Variants in TCF12 observed in about 807,000 individuals in gnomAD.
The protein encoded by TCF12 is transcription factor 12, also known as DNA-binding protein HTF4.
TCF12 carries 45 observed loss-of-function variants against 86.0 expected under a neutral mutation model. That is an observed-to-expected ratio of 0.52 (90% CI 0.41 to 0.67). TCF12 has a LOEUF of 0.67. TCF12 is among the 30% of genes least tolerant of loss of function. The pLI is 0.00. For synonymous variants in TCF12, 330 were observed against 299.6 expected (o/e 1.10, Z -1.05); for missense variants, 881 against 859.9 (o/e 1.02, Z -0.31).
intron 3 of TCF12, among the ~76,000 whole-genome samples, chr15:57,036,808 C>T (rs1467176972): frequency 6.6e-6 from 1 of 151,882 alleles, no homozygotes; most frequent in East Asian, 1.9e-4. Context: ...GTCCTGTTTT[C>T]CCTTTTTAAA....
intron 3 of TCF12, among the ~76,000 whole-genome samples, chr15:57,059,333 C>G (rs2068272629): frequency 6.6e-6 from 1 of 152,152 alleles, no homozygotes; most frequent in African/African-American, 2.4e-5. Flanking sequence ...TTATGATACC[C>G]TAGCAGTATG....
intron 6 of TCF12, among the ~76,000 whole-genome samples, chr15:57,180,425 C>T (rs1191005969): frequency 3.3e-5 from 5 of 151,966 alleles, no homozygotes; most frequent in African/African-American, 1.2e-4. Context: ...TTTCTTGATC[C>T]CTCAGTGACA....
At chr15:57,275,872 T>C (rs2061375319) in intron 19 of TCF12, among the ~76,000 whole-genome samples, 1 of 152,208 alleles carries the variant, frequency 6.6e-6, no homozygotes, top group African/African-American at 2.4e-5. Context: ...GAAGAGTGGC[T>C]TCTCTTCTAA....
At position 57,288,826 on chromosome 15, in the gene TCF12, A is replaced by G. The variant is rs2062014398; in HGVS notation, c.*2681A>G. 6.6e-6 allele frequency: 1 copy of G among 152,244 alleles called. No homozygotes were observed. The highest frequency in any genetic ancestry group is 6.5e-5 in the Admixed American group (1 of 15,286). 9.4% of individuals were successfully genotyped at this position (152,244 alleles called of 1,614,324 possible). A position where few individuals can be genotyped will look rare whatever the true frequency, so the allele number is the denominator to read the frequency against. ...TACTCATTTGTAGATACAGAGAAAA[A>G]TGAAGAAGATGGAAAAAGACTCAAA... is the stretch of plus-strand genomic sequence containing the variant. On this transcript the variant is annotated 3_prime_UTR_variant, in exon 21 of 21. Transcript: ENST00000333725.
At chr15:57,066,634 C>T (rs1288893639) in intron 4 of TCF12, among the ~76,000 whole-genome samples, 1 of 152,042 alleles carries the variant, frequency 6.6e-6, no homozygotes, top group Non-Finnish European at 1.5e-5. Context: ...GTATTAGAAA[C>T]TGCAAAATGA....
chr15:57,022,399 A>T (rs2065548972), intron 3 of TCF12, among the ~76,000 whole-genome samples: 1 of 152,092 alleles, frequency 6.6e-6, no homozygotes, highest in Non-Finnish European at 1.5e-5. Flanking sequence ...ACATGAACTC[A>T]TCCTTTTTAT....
At chr15:57,207,153 G>T (rs548622862) in intron 8 of TCF12, among the ~76,000 whole-genome samples, 2 of 152,004 alleles carry the variant, frequency 1.3e-5, no homozygotes, top group Admixed American at 6.6e-5. Context: ...ATAGTTGCTG[G>T]CAGCTTGGGA....
chr15:57,221,312 T>G (rs1223260266), intron 8 of TCF12, among the ~76,000 whole-genome samples: 2 of 152,120 alleles, frequency 1.3e-5, no homozygotes, highest in Non-Finnish European at 2.9e-5. Flanking sequence ...CTTTCAAATG[T>G]GAAAATAATT....
chr15:57,064,415 A>G (rs2068693671), intron 4 of TCF12, among the ~76,000 whole-genome samples: 2 of 152,198 alleles, frequency 1.3e-5, no homozygotes, highest in African/African-American at 4.8e-5. Context: ...AAATGAGACC[A>G]GGAGGTGGAA....
chr15:56,940,690 C>G (rs1394086350), intron 3 of TCF12, among the ~76,000 whole-genome samples: 1 of 143,840 alleles, frequency 7.0e-6, no homozygotes. Flanking sequence ...CTCCCTCTCC[C>G]TCTCCCCTTT....
At chr15:56,982,553 G>T (rs2062946749) in intron 3 of TCF12, among the ~76,000 whole-genome samples, 1 of 152,126 alleles carries the variant, frequency 6.6e-6, no homozygotes, top group Non-Finnish European at 1.5e-5. Context: ...AGACAAATTT[G>T]CAGAATTAAC....
intron 6 of TCF12, among the ~76,000 whole-genome samples, chr15:57,188,144 ATAAAAT>A (rs1258129137): frequency 6.6e-6 from 1 of 152,210 alleles, no homozygotes; most frequent in Non-Finnish European, 1.5e-5. Context: ...TAAACCAAAA[ATAAAAT>A]TAAGAAAACA....
intron 4 of TCF12, among the ~76,000 whole-genome samples, chr15:57,082,130 G>A (rs577050086): frequency 6.6e-6 from 1 of 152,336 alleles, no homozygotes; most frequent in East Asian, 1.9e-4. Context: ...AAGAGGGAGT[G>A]TAAATAAGTG....
chr15:57,251,109 G>A (rs2060095891), intron 13 of TCF12: 2 of 407,734 alleles, frequency 4.9e-6, no homozygotes, highest in Admixed American at 4.0e-5. Context: ...AAACATAAAG[G>A]TAGCTGTATT....
chr15:57,267,562 G>T (rs2060927581), intron 18 of TCF12, among the ~76,000 whole-genome samples: 1 of 152,070 alleles, frequency 6.6e-6, no homozygotes, highest in African/African-American at 2.4e-5. Flanking sequence ...CTATTATTAG[G>T]CTTTACTGGA....
At chr15:56,953,542 C>A (rs1361987920) in intron 3 of TCF12, among the ~76,000 whole-genome samples, 3 of 151,836 alleles carry the variant, frequency 2.0e-5, no homozygotes, top group Admixed American at 2.0e-4. Context: ...CCAATGAAAC[C>A]AACTAGGTGT....
chr15:56,981,993 G>T (rs1199495808), intron 3 of TCF12, among the ~76,000 whole-genome samples: 1 of 152,094 alleles, frequency 6.6e-6, no homozygotes, highest in Non-Finnish European at 1.5e-5. Flanking sequence ...ACTTGGTGTA[G>T]CTTTTATTGG....
At chr15:57,263,664 T>A (rs545140987) in intron 18 of TCF12, among the ~76,000 whole-genome samples, 1 of 152,336 alleles carries the variant, frequency 6.6e-6, no homozygotes, top group East Asian at 1.9e-4. Flanking sequence ...AACAATGGTA[T>A]ATATTCTAAG....
At chr15:56,930,054 C>T (rs1346942921) in intron 3 of TCF12, among the ~76,000 whole-genome samples, 2 of 152,206 alleles carry the variant, frequency 1.3e-5, no homozygotes, top group African/African-American at 4.8e-5. Context: ...ACTCTTTCAT[C>T]ACTTCATTGG....
Sources: gnomAD v4.1 joint callset for allele counts (sites outside exome capture counted in the v4.1 genomes callset) on GRCh38, gnomAD v4.1.1 for gene constraint, MANE v1.5 for transcripts, NCBI Gene and HGNC (gene_info 2026-07-23, HGNC 2026-07-21) for gene names.